GSE1: variants seen among roughly 807,000 people sequenced by gnomAD.
The protein encoded by GSE1 is genetic suppressor element 1.
In GSE1, 32 loss-of-function variants were observed where a neutral mutation model predicts 112.6. The ratio of observed to expected loss-of-function variants is 0.28; its 90% CI spans 0.21 to 0.38. GSE1 has a LOEUF of 0.38. Among genes scored for constraint, GSE1 ranks in the 10% least tolerant of loss-of-function variants. The probability of loss-of-function intolerance (pLI) is 1.00; values close to 1 mark genes in which losing one functional copy is unlikely to be tolerated. For missense variants in GSE1, 2,348 were observed against 1,699.2 expected, an observed-to-expected ratio of 1.38 and a Z score of -6.71; for synonymous variants, 1,115 against 735.6, an observed-to-expected ratio of 1.52 and a Z score of -8.35.
intron 1 of GSE1, among the ~76,000 whole-genome samples, chr16:85,585,604 A>T (rs970203598): frequency 6.6e-6 from 1 of 152,174 alleles, no homozygotes; most frequent in Non-Finnish European, 1.5e-5. Flanking sequence ...TCCCAGCCCC[A>T]GTCTAGACCC....
At chr16:85,668,117 T>A (rs758907671) in intron 13 of GSE1, 23 bp from the exon 14 acceptor site, 6 of 1,537,344 alleles carry the variant, frequency 3.9e-6, no homozygotes, top group Non-Finnish European at 5.3e-6. Flanking sequence ...AACACACTGA[T>A]GCAAGCCCTG....
chr16:85,356,013 T>A (rs550172096), intron 1 of GSE1, among the ~76,000 whole-genome samples: 30 of 152,028 alleles, frequency 2.0e-4, no homozygotes, highest in Non-Finnish European at 2.8e-4. Context: ...GGTGACAGAG[T>A]GAGACTCCAT....
intron 1 of GSE1, among the ~76,000 whole-genome samples, chr16:85,620,941 A>G (rs930033603): frequency 2.8e-5 from 3 of 107,114 alleles, no homozygotes; most frequent in African/African-American, 7.4e-5. Flanking sequence ...GGTCTCGGCC[A>G]TGGGTGTCTG....
intron 2 of GSE1, among the ~76,000 whole-genome samples, chr16:85,478,865 TTCTTTCTTTCTTTCTTTCTTTCTTTC>T (rs1567520325): frequency 2.2e-3 from 83 of 37,576 alleles, no homozygotes; most frequent in Middle Eastern, 0.018. Flanking sequence ...CTTTCTTTCT[TTCTTTCTTTCTTTCTTTCTTTCTTTC>T]TTTCTTTCTT....
chr16:85,274,894 C>T (rs1375238000), intron 1 of GSE1, among the ~76,000 whole-genome samples: 1 of 152,236 alleles, frequency 6.6e-6, no homozygotes, highest in Non-Finnish European at 1.5e-5. Flanking sequence ...TGGGGCCTGG[C>T]CCTCACTGCC....
chr16:85,352,574 A>G (rs1266280790), intron 1 of GSE1, among the ~76,000 whole-genome samples: 1 of 152,200 alleles, frequency 6.6e-6, no homozygotes, highest in Non-Finnish European at 1.5e-5. Flanking sequence ...TAGAGAAGAC[A>G]CAGCACATAT....
chr16:85,555,768 TGGA>T (rs1341339566), upstream of GSE1: 1 of 976,654 alleles, frequency 1.0e-6, no homozygotes, highest in Non-Finnish European at 1.2e-6. Flanking sequence ...AATGGCTGAA[TGGA>T]GGAGAGATTG....
At position 85,562,228 on chromosome 16, in the gene GSE1, CTAAT is replaced by C. The variant is rs565891014; in HGVS notation, c.37+5870_37+5873del. Among the ~76,000 whole-genome samples, 5 of 152,324 alleles carry C rather than the reference CTAAT, an allele frequency of 3.3e-5. No individual in the cohort carries two copies. In the South Asian group the frequency reaches 1.0e-3, roughly 32 times the overall value. ...CCATCTAGCACTTTCCAGGCAGTCACTAATTAATCTTCCGATACCCCTGAGAGAT... is the reference window on the plus strand; with the variant it reads ...CCATCTAGCACTTTCCAGGCAGTCACTAATCTTCCGATACCCCTGAGAGAT... On this transcript the variant is annotated intron_variant, in intron 1 of 2. Transcript: ENST00000635906.
rs558785401 is a variant in GSE1, at chr16:85,424,534, C to G, written c.2464+66891C>G. Among the ~76,000 whole-genome samples the G allele has an allele frequency of 3.9e-5, 6 of 152,344 alleles. No homozygotes were observed. The South Asian group carries it at 1.2e-3, about 32-fold the overall frequency. On this transcript the variant is annotated intron_variant, in intron 2 of 2. Transcript: ENST00000637419. ...AGCCCTGCCTGGCCCTGGGCATGTG[C>G]AAGGCTGCCCCTGAGCTGGCCTGGC...
intron 2 of GSE1, among the ~76,000 whole-genome samples, chr16:85,455,051 C>T (rs900885168): frequency 1.3e-5 from 2 of 152,236 alleles, no homozygotes; most frequent in Admixed American, 6.5e-5. Context: ...AATGGGGACA[C>T]GGGTGCATCC....
At chr16:85,198,010 C>G (rs1435632780) in intron 1 of GSE1, among the ~76,000 whole-genome samples, 1 of 152,180 alleles carries the variant, frequency 6.6e-6, no homozygotes, top group Non-Finnish European at 1.5e-5. Flanking sequence ...CAACTCCTGC[C>G]TCCTACCGAG....
chr16:85,322,761 G>A (rs940479763), intron 1 of GSE1, among the ~76,000 whole-genome samples: 14 of 152,042 alleles, frequency 9.2e-5, no homozygotes, highest in African/African-American at 2.7e-4. Flanking sequence ...GACTACAGAC[G>A]TCCACCACCA....
rs762041418 is a variant in GSE1, at chr16:85,666,159, G to C, written c.2942G>C (p.Gly981Ala). 5 of 1,613,394 alleles carry C rather than the reference G, an allele frequency of 3.1e-6. No homozygotes were observed. The Admixed American group carries it at 6.7e-5, about 22-fold the overall frequency. ...AAGGCCAGGCTGAGCGAGGCCCCTG[G>C]AGGCAAAAAGAGTCTGAGCATGCTT... ...GEKARLSEAP[G>A]GKKSLSMLHY... Residue 981 changes from glycine (G) to alanine (A), a missense_variant, in exon 13 of 16, where the codon GGA becomes GCA. Gly to Ala is a moderately conservative substitution (Grantham distance 60). Coordinates refer to ENST00000253458, the MANE Select transcript of GSE1 (RefSeq NM_014615.5).
intron 5 of GSE1, 54 bp downstream of exon 5, chr16:85,655,045 G>A: frequency 8.7e-7 from 1 of 1,143,640 alleles, no homozygotes; most frequent in Non-Finnish European, 1.3e-6. Flanking sequence ...TTCCTGGCAA[G>A]ATGGAACCTG....
intron 1 of GSE1, among the ~76,000 whole-genome samples, chr16:85,558,172 G>A (rs1187161859): frequency 6.6e-6 from 1 of 152,114 alleles, no homozygotes; most frequent in African/African-American, 2.4e-5. Flanking sequence ...ATGAGGGCTG[G>A]GTCTGAGTCG....
intron 2 of GSE1, among the ~76,000 whole-genome samples, chr16:85,432,656 C>T (rs191050746): frequency 2.0e-5 from 3 of 152,358 alleles, no homozygotes; most frequent in East Asian, 1.9e-4. Context: ...CCTCTTCCCC[C>T]ATTTCTAATG....
At chr16:85,562,936 G>A (rs1426806448) in intron 1 of GSE1, among the ~76,000 whole-genome samples, 6 of 152,224 alleles carry the variant, frequency 3.9e-5, no homozygotes, top group African/African-American at 1.4e-4. Flanking sequence ...TACTCTTTGT[G>A]GGAAAATCAT....
At chr16:85,464,602 T>C (rs1168368352) in intron 2 of GSE1, among the ~76,000 whole-genome samples, 1 of 152,180 alleles carries the variant, frequency 6.6e-6, no homozygotes, top group African/African-American at 2.4e-5. Context: ...GTCATGCCGG[T>C]TGCACAGGGT....
intron 3 of GSE1, among the ~76,000 whole-genome samples, chr16:85,651,353 C>A (rs548231095): frequency 3.9e-5 from 6 of 152,110 alleles, no homozygotes; most frequent in Admixed American, 1.3e-4. Context: ...CAGACGGAAG[C>A]CACAGACATG....
Sources: gnomAD v4.1 joint callset for allele counts (sites outside exome capture counted in the v4.1 genomes callset) on GRCh38, gnomAD v4.1.1 for gene constraint, MANE v1.5 for transcripts, NCBI Gene and HGNC (gene_info 2026-07-23, HGNC 2026-07-21) for gene names.